KTN1: variants seen among roughly 807,000 people sequenced by gnomAD.
The protein encoded by KTN1 is kinectin 1, also known as kinectin.
A neutral mutation model predicts 222.5 loss-of-function variants in KTN1; 130 were observed. The observed-to-expected ratio is 0.58, with a 90% CI of 0.51 to 0.68. KTN1 has a LOEUF of 0.68. Ranked by LOEUF, KTN1 falls within the 30% of genes least tolerant of loss-of-function variation. The pLI, the probability that KTN1 is intolerant of heterozygous loss-of-function variation, is 0.00. For synonymous variants in KTN1, 512 were observed against 496.3 expected (o/e 1.03, Z -0.42); for missense variants, 1,508 against 1,500.4 (o/e 1.01, Z -0.08).
At chr14:55,671,496 C>A in intron 35 of KTN1, 70 bp from the exon 36 acceptor site, 1 of 1,131,104 alleles carries the variant, frequency 8.8e-7, no homozygotes, top group African/African-American at 1.6e-5. Flanking sequence ...GTATTAAGTA[C>A]TAAAACAAAC....
intron 4 of KTN1, 35 bp from the exon 5 acceptor site, chr14:55,619,147 C>A: frequency 1.3e-6 from 2 of 1,555,764 alleles, no homozygotes; most frequent in Non-Finnish European, 1.8e-6. Context: ...TTTTTAAATG[C>A]CAACTCTTTG....
At chr14:55,633,548 A>G (rs943530966) in intron 8 of KTN1, among the ~76,000 whole-genome samples, 3 of 151,592 alleles carry the variant, frequency 2.0e-5, no homozygotes, top group African/African-American at 7.3e-5. Context: ...TATTAATGTC[A>G]TACTATTATA....
At chr14:55,679,786 CCTT>C in intron 43 of KTN1, 101 bp downstream of exon 43, 2 of 1,197,366 alleles carry the variant, frequency 1.7e-6, no homozygotes, top group South Asian at 2.6e-5. Flanking sequence ...AGGAAATATT[CCTT>C]CTTTATCTCT....
intron 24 of KTN1, among the ~76,000 whole-genome samples, chr14:55,650,925 T>C (rs1428110657): frequency 1.3e-5 from 2 of 152,194 alleles, no homozygotes; most frequent in Non-Finnish European, 2.9e-5. Flanking sequence ...TGGCAATTTT[T>C]TTAATCCCCC....
intron 7 of KTN1, among the ~76,000 whole-genome samples, chr14:55,631,364 A>ATATATATATATATATATG (rs2040513820): frequency 1.4e-5 from 2 of 145,254 alleles, no homozygotes; most frequent in Non-Finnish European, 3.0e-5. Flanking sequence ...ATATATATAT[A>ATATATATATATATATATG]TATATGTATT....
chr14:55,661,760 G>A, intron 32 of KTN1, 148 bp downstream of exon 32: 1 of 437,164 alleles, frequency 2.3e-6, no homozygotes. Context: ...TTTTTTCGGG[G>A]GGCGGGGCAT....
intron 43 of KTN1, chr14:55,682,143 T>C (rs573345931): frequency 2.6e-5 from 4 of 152,306 alleles, no homozygotes; most frequent in Admixed American, 2.0e-4. Context: ...TGCATTGATG[T>C]AGTTTTTCTA....
intron 31 of KTN1, among the ~76,000 whole-genome samples, chr14:55,660,311 C>A (rs186015602): frequency 6.6e-6 from 1 of 150,454 alleles, no homozygotes. Context: ...CCAGGAAGTT[C>A]GCACCATTGC....
chr14:55,677,911 T>C (rs548663773), intron 41 of KTN1, among the ~76,000 whole-genome samples: 5 of 152,322 alleles, frequency 3.3e-5, no homozygotes, highest in African/African-American at 1.2e-4. Flanking sequence ...TTGGTCAGGC[T>C]GGTCTCGAAC....
rs1359698560 is a variant in KTN1, at chr14:55,618,146, G to A, written c.832+12G>A. The A allele has an allele frequency of 8.8e-6, 14 of 1,594,566 alleles. No homozygotes were observed. The Admixed American group carries it at 2.4e-4, about 27-fold the overall frequency. ...CGAAACTGACAAAGGTAATATATGG[G>A]ATTTATAGTCTTTGTTGTACTATAA... On this transcript the variant is annotated intron_variant, in intron 4 of 43. Coordinates refer to ENST00000395314, the MANE Select transcript of KTN1 (RefSeq NM_001079521.2).
chr14:55,585,090 C>T (rs2032669402), intron 1 of KTN1, among the ~76,000 whole-genome samples: 1 of 138,956 alleles, frequency 7.2e-6, no homozygotes, highest in Non-Finnish European at 1.5e-5. Context: ...TGAGATGGTG[C>T]GACTGCACTC....
chr14:55,584,262 C>T (rs1212834980), intron 1 of KTN1, among the ~76,000 whole-genome samples: 1 of 152,218 alleles, frequency 6.6e-6, no homozygotes, highest in East Asian at 1.9e-4. Flanking sequence ...TTCTCTCTGG[C>T]TCCAATGGTT....
At chr14:55,640,902 T>C (rs767323658) in intron 15 of KTN1, 31 bp from the exon 16 acceptor site, 10 of 1,598,288 alleles carry the variant, frequency 6.3e-6, no homozygotes, top group Middle Eastern at 3.5e-4. Context: ...TCCTGTGAAG[T>C]GATATCATTT....
intron 14 of KTN1, 39 bp downstream of exon 14, chr14:55,640,042 A>T: frequency 8.3e-7 from 1 of 1,204,538 alleles, no homozygotes; most frequent in Non-Finnish European, 1.2e-6. Flanking sequence ...TATTTTACAG[A>T]ACTGAAATTT....
intron 1 of KTN1, among the ~76,000 whole-genome samples, chr14:55,610,374 G>A (rs767617728): frequency 1.3e-5 from 2 of 152,082 alleles, no homozygotes; most frequent in Non-Finnish European, 2.9e-5. Flanking sequence ...AAATTCATGT[G>A]TAAGTGTACC....
intron 1 of KTN1, among the ~76,000 whole-genome samples, chr14:55,599,133 A>C (rs955958861): frequency 6.6e-6 from 1 of 152,172 alleles, no homozygotes; most frequent in African/African-American, 2.4e-5. Context: ...CTGTGTACAT[A>C]TGTATGTACA....
intron 1 of KTN1, among the ~76,000 whole-genome samples, chr14:55,580,698 C>G (rs899589444): frequency 1.3e-5 from 2 of 152,102 alleles, no homozygotes; most frequent in Non-Finnish European, 2.9e-5. Flanking sequence ...GAGGTCGACC[C>G]GAGCGGGCCC....
intron 1 of KTN1, among the ~76,000 whole-genome samples, chr14:55,598,937 A>G (rs1428122009): frequency 6.6e-6 from 1 of 152,170 alleles, no homozygotes; most frequent in African/African-American, 2.4e-5. Flanking sequence ...CTCTCCTTGA[A>G]TTCCCATTGG....
At chr14:55,660,956 C>T (rs1487437769) in intron 31 of KTN1, among the ~76,000 whole-genome samples, 1 of 152,132 alleles carries the variant, frequency 6.6e-6, no homozygotes, top group Non-Finnish European at 1.5e-5. Flanking sequence ...CAGCCACTCT[C>T]AACTATAACA....
Sources: allele counts gnomAD v4.1 joint callset (sites outside exome capture counted in the v4.1 genomes callset), GRCh38; gene constraint gnomAD v4.1.1; transcripts MANE v1.5; gene names NCBI Gene and HGNC (gene_info 2026-07-23, HGNC 2026-07-21).